SLC35D4: variants seen among roughly 807,000 people sequenced by gnomAD.
SLC35D4 encodes solute carrier family 35 member D4, also known as UDP-N-acetylglucosamine transporter SLC35D4.
the SLC35D4 span, among the ~76,000 whole-genome samples, chr18:23,392,698 C>T: frequency 1.3e-5 from 2 of 152,200 alleles, no homozygotes; most frequent in African/African-American, 4.8e-5. Context: ...CTGGCATTAA[C>T]GCATGGGTGG....
At chr18:23,415,570 G>A in the SLC35D4 span, among the ~76,000 whole-genome samples, 3 of 152,312 alleles carry the variant, frequency 2.0e-5, no homozygotes, top group African/African-American at 7.2e-5. Flanking sequence ...ATGGTCTCAC[G>A]GTGCTAACAG....
the SLC35D4 span, among the ~76,000 whole-genome samples, chr18:23,392,388 C>T: frequency 6.6e-6 from 1 of 152,156 alleles, no homozygotes; most frequent in Admixed American, 6.6e-5. Flanking sequence ...TATTCATAAA[C>T]TGACTTGTAT....
chr18:23,370,986 A>C, the SLC35D4 span, among the ~76,000 whole-genome samples: 2 of 152,158 alleles, frequency 1.3e-5, no homozygotes. Context: ...CTTGGATTTA[A>C]TTTTCCAAGG....
the SLC35D4 span, among the ~76,000 whole-genome samples, chr18:23,433,259 T>C: frequency 1.3e-5 from 2 of 152,088 alleles, no homozygotes. Context: ...TGACCTCAGA[T>C]GATCCACCTG....
chr18:23,276,435 T>G, the SLC35D4 span, among the ~76,000 whole-genome samples: 30 of 151,650 alleles, frequency 2.0e-4, no homozygotes, highest in African/African-American at 4.6e-4. Context: ...GAATTTTGTT[T>G]TTTTTTTTTT....
the SLC35D4 span, among the ~76,000 whole-genome samples, chr18:23,324,289 T>C: frequency 2.0e-5 from 3 of 152,090 alleles, no homozygotes; most frequent in Non-Finnish European, 2.9e-5. Flanking sequence ...CTCTTGGACA[T>C]TGCAGCCTCT....
chr18:23,427,918 G>A, the SLC35D4 span, among the ~76,000 whole-genome samples: 2 of 152,042 alleles, frequency 1.3e-5, no homozygotes, highest in Non-Finnish European at 2.9e-5. Flanking sequence ...CTATCGCAAG[G>A]ACAGAAAACC....
At chr18:23,283,471 C>CAAAAA in the SLC35D4 span, among the ~76,000 whole-genome samples, 23 of 44,250 alleles carry the variant, frequency 5.2e-4, no homozygotes, top group East Asian at 1.4e-3. Context: ...GACCCAGTCT[C>CAAAAA]AAAAAAAAAA....
chr18:23,416,733 T>C, the SLC35D4 span, among the ~76,000 whole-genome samples: 20 of 152,142 alleles, frequency 1.3e-4, no homozygotes, highest in Non-Finnish European at 2.5e-4. Flanking sequence ...CAGGAGACAG[T>C]GGTGAAAAGA....
the SLC35D4 span, among the ~76,000 whole-genome samples, chr18:23,420,265 T>C: frequency 2.0e-5 from 3 of 152,144 alleles, no homozygotes; most frequent in South Asian, 6.2e-4. Flanking sequence ...ATTGCGCCAT[T>C]GCACTCCAGC....
chr18:23,335,318 C>G, the SLC35D4 span, among the ~76,000 whole-genome samples: 6 of 152,092 alleles, frequency 3.9e-5, no homozygotes, highest in Non-Finnish European at 8.8e-5. Flanking sequence ...CTTAGCTTTC[C>G]CATAAAAAAG....
At chr18:23,412,117 C>T in the SLC35D4 span, among the ~76,000 whole-genome samples, 3 of 152,048 alleles carry the variant, frequency 2.0e-5, no homozygotes, top group East Asian at 3.9e-4. Flanking sequence ...GTCAGGAGTT[C>T]GAGGTCAGCC....
At chr18:23,424,611 AG>A in the SLC35D4 span, among the ~76,000 whole-genome samples, 143 of 152,370 alleles carry the variant, frequency 9.4e-4, 2 homozygotes, top group Middle Eastern at 0.01. Context: ...AGATGTGGAA[AG>A]ACAACCAGAA....
At chr18:23,380,651 A>C in the SLC35D4 span, among the ~76,000 whole-genome samples, 1 of 152,194 alleles carries the variant, frequency 6.6e-6, no homozygotes, top group African/African-American at 2.4e-5. Context: ...TTGACATTTC[A>C]TAGGTACTTG....
At chr18:23,351,438 AC>A in the SLC35D4 span, among the ~76,000 whole-genome samples, 20,418 of 150,138 alleles carry the variant, frequency 0.14, 1,447 homozygotes, top group Middle Eastern at 0.25. Context: ...AAAAACAAAA[AC>A]AAAAAAATGC....
chr18:23,372,793 A>C, the SLC35D4 span, among the ~76,000 whole-genome samples: 1 of 152,040 alleles, frequency 6.6e-6, no homozygotes, highest in Non-Finnish European at 1.5e-5. Flanking sequence ...CTTTGCTCCA[A>C]ATAGGCTTGA....
At chr18:23,243,904 A>G in the SLC35D4 span, among the ~76,000 whole-genome samples, 764 of 152,104 alleles carry the variant, frequency 5.0e-3, 9 homozygotes, top group African/African-American at 0.017. Context: ...ATACAAAACA[A>G]GAGTTTGACA....
At chr18:23,335,865 G>A in the SLC35D4 span, among the ~76,000 whole-genome samples, 17 of 152,060 alleles carry the variant, frequency 1.1e-4, no homozygotes, top group Non-Finnish European at 2.2e-4. Flanking sequence ...GGACACTAAC[G>A]GCACCCATAA....
chr18:23,288,120 C>T, the SLC35D4 span, among the ~76,000 whole-genome samples: 1 of 152,204 alleles, frequency 6.6e-6, no homozygotes, highest in South Asian at 2.1e-4. Context: ...AATCTGGCCT[C>T]CCACATTATT....
Sources: gnomAD v4.1 joint callset for allele counts (sites outside exome capture counted in the v4.1 genomes callset) on GRCh38, gnomAD v4.1.1 for gene constraint, MANE v1.5 for transcripts, NCBI Gene and HGNC (gene_info 2026-07-23, HGNC 2026-07-21) for gene names.